RNPC3: variants seen among roughly 807,000 people sequenced by gnomAD.
RNPC3 encodes the protein RNA-binding region-containing protein 3.
Under a neutral mutation model 67.5 loss-of-function variants are expected in RNPC3, and 48 were observed. That is an observed-to-expected ratio of 0.71 (90% confidence interval 0.56 to 0.90). The LOEUF is 0.90. RNPC3 is among the 40% of genes least tolerant of loss of function. The pLI is 0.00. For synonymous variants in RNPC3, 239 were observed against 210.3 expected (o/e 1.14, Z -1.18); for missense variants, 637 against 626.1 (o/e 1.02, Z -0.19).
intron 12 of RNPC3, among the ~76,000 whole-genome samples, chr1:103,547,962 G>C (rs982222402): frequency 1.3e-5 from 2 of 152,176 alleles, no homozygotes; most frequent in East Asian, 1.9e-4. Context: ...CCATGTGGGA[G>C]CTGCCAAGGC....
chr1:103,526,232 T>C lies in RNPC3; in HGVS notation c.162T>C (p.Ser54=). The change falls in exon 1 of 15, where the codon TCT becomes TCC. Residue 54 remains serine (S), a synonymous_variant. Coordinates refer to ENST00000423855, the MANE Select transcript of RNPC3 (RefSeq NM_017619.4). The part of the protein sequence containing the change: ...EDLLKYFGAQ[S]VRVLSDKGRL... ...TGCTGAAGTACTTCGGGGCTCAGTCTGTGCGGGTCCTGTCAGATAAGGGGC... is the reference window on the plus strand; with the variant it reads ...TGCTGAAGTACTTCGGGGCTCAGTCCGTGCGGGTCCTGTCAGATAAGGGGC... 1 of 1,550,994 alleles carries C rather than the reference T, an allele frequency of 6.4e-7. No homozygotes were observed.
chr1:103,526,562 T>G (rs527674471), intron 1 of RNPC3, among the ~76,000 whole-genome samples: 1 of 152,298 alleles, frequency 6.6e-6, no homozygotes, highest in East Asian at 1.9e-4. Flanking sequence ...CTCACAACTT[T>G]TTTGAATTTG....
Position 103,551,718 on chromosome 1 carries a change from TAGC to T in RNPC3, c.1495_1497del (p.Gln499del). On this transcript the variant is annotated splice_acceptor_variant and coding_sequence_variant, in exon 14 of 15. Transcript: ENST00000423855. LOFTEE classifies it high-confidence loss of function. ...GAAGGAAACCTTAATTTTAAATTAT[TAGC>T]AGTTTGCTCGATCTGCTAGACCAAA... The T allele has an allele frequency of 6.6e-7, 1 of 1,512,008 alleles. No homozygotes were observed. Among genetic ancestry groups the T allele is most frequent in the Non-Finnish European group, 8.9e-7 (1 of 1,123,034 alleles). The allele number at this position is 1,512,008 out of a possible 1,614,324, so 93.7% of individuals were successfully genotyped here. A position where few individuals can be genotyped will look rare whatever the true frequency, so the allele number is the denominator to read the frequency against.
intron 12 of RNPC3, among the ~76,000 whole-genome samples, chr1:103,548,042 G>T (rs1651288503): frequency 1.3e-5 from 2 of 152,126 alleles, no homozygotes; most frequent in East Asian, 3.9e-4. Context: ...AGCTGCCGTG[G>T]CTGGGACACA....
chr1:103,544,507 C>T (rs1387422949), intron 9 of RNPC3, among the ~76,000 whole-genome samples: 1 of 151,764 alleles, frequency 6.6e-6, no homozygotes, highest in Non-Finnish European at 1.5e-5. Flanking sequence ...CCTTCTTTTA[C>T]TATTGCAGAA....
At position 103,541,886 on chromosome 1, in the gene RNPC3, A is replaced by C. The variant is rs148137714; in HGVS notation, c.893+411A>C. Among the ~76,000 whole-genome samples the C allele has an allele frequency of 6.6e-5, 10 of 152,112 alleles. No homozygotes were observed. The East Asian group carries it at 1.7e-3, about 26-fold the overall frequency. On this transcript the variant is annotated intron_variant, in intron 8 of 14. Transcript: ENST00000423855. ...AACATCAGTGTGTTTATATACAGTT[A>C]TTTAGTTTCTCTTAACTCCATCACC...
At chr1:103,528,720 G>A (rs1650772934) in intron 2 of RNPC3, among the ~76,000 whole-genome samples, 1 of 152,138 alleles carries the variant, frequency 6.6e-6, no homozygotes, top group African/African-American at 2.4e-5. Flanking sequence ...GTGAAGAATG[G>A]AAAGATTCTT....
At chr1:103,532,179 T>C (rs1457089016) in intron 2 of RNPC3, among the ~76,000 whole-genome samples, 1 of 152,212 alleles carries the variant, frequency 6.6e-6, no homozygotes, top group Non-Finnish European at 1.5e-5. Flanking sequence ...TTCTGTTCCA[T>C]TGGTCTATGT....
In RNPC3 at chr1:103,546,978, A is replaced by G. The variant is rs1257038746; in HGVS notation, c.1304A>G (p.Asp435Gly). Residue 435 changes from aspartate to glycine, a missense_variant and splice_region_variant, in exon 12 of 15, where the codon GAC (aspartate) becomes GGC (glycine). By Grantham distance (94) the Asp-to-Gly change is moderately conservative. This residue lies in a region of RNPC3 where 96 missense variants were observed against 105.8 expected (regional missense o/e 0.91). Coordinates refer to ENST00000423855, the MANE Select transcript of RNPC3 (RefSeq NM_017619.4). The stretch of plus-strand genomic sequence containing the variant: ...GTCTTTTTCTTATTGAAATTCTAGG[A>G]CCTTAAATATATTTTTGGAAGATAT... ...KNLAKHVQEK[D>G]LKYIFGRYVD... 4.1e-6 allele frequency: 6 copies of G among 1,446,114 alleles called. No homozygotes were observed. The highest frequency in any genetic ancestry group is 5.0e-5 in the East Asian group (2 of 39,934). 89.6% of individuals were successfully genotyped at this position (1,446,114 alleles called of 1,614,324 possible).
intron 7 of RNPC3, among the ~76,000 whole-genome samples, chr1:103,540,313 C>T (rs1257104582): frequency 6.6e-6 from 1 of 152,170 alleles, no homozygotes; most frequent in Non-Finnish European, 1.5e-5. Flanking sequence ...ATTTGTGTCT[C>T]ATCCCCAAGA....
intron 2 of RNPC3, among the ~76,000 whole-genome samples, chr1:103,530,736 A>T (rs1219012336): frequency 6.6e-6 from 1 of 152,146 alleles, no homozygotes; most frequent in African/African-American, 2.4e-5. Context: ...AATCCGTTAA[A>T]ATATTGTGGT....
chr1:103,551,730 C>A lies in RNPC3; in HGVS notation c.1504C>A (p.Arg502=), dbSNP rs918108896. The change falls in exon 14 of 15, where the codon CGA becomes AGA. Residue 502 remains arginine, a synonymous_variant. Transcript: ENST00000423855. The part of the protein sequence containing the change: ...FGKPMVVQFA[R]SARPKQDPKE... ...AATTTTAAATTATTAGCAGTTTGCT[C>A]GATCTGCTAGACCAAAACAAGATCC... 1 of 1,527,944 alleles carries A rather than the reference C, an allele frequency of 6.5e-7. No homozygotes were observed. Among genetic ancestry groups the A allele is most frequent in the Non-Finnish European group, 8.8e-7 (1 of 1,132,988 alleles). 94.6% of individuals were successfully genotyped at this position (1,527,944 alleles called of 1,614,324 possible).
At chr1:103,546,782 T>C in intron 11 of RNPC3, 195 bp from the exon 12 acceptor site, 1 of 440,632 alleles carries the variant, frequency 2.3e-6, no homozygotes, top group Non-Finnish European at 4.0e-6. Flanking sequence ...CCACAATTTC[T>C]GCCTTTGTAC....
At chr1:103,530,359 T>C (rs1186051428) in intron 2 of RNPC3, among the ~76,000 whole-genome samples, 1 of 152,142 alleles carries the variant, frequency 6.6e-6, no homozygotes, top group Non-Finnish European at 1.5e-5. Context: ...AGGGTTATAT[T>C]TGAACAACAA....
chr1:103,552,816 C>T (rs1329302025), intron 14 of RNPC3: 1 of 151,766 alleles, frequency 6.6e-6, no homozygotes, highest in African/African-American at 2.4e-5. Flanking sequence ...TAACACATTT[C>T]ACAACAATAT....
At chr1:103,550,167 AATAATAATAATC>A (rs1008381867) in intron 12 of RNPC3, among the ~76,000 whole-genome samples, 3 of 151,940 alleles carry the variant, frequency 2.0e-5, no homozygotes, top group Admixed American at 2.0e-4. Context: ...CTGTCTCAAA[AATAATAATAATC>A]ATAATAATAA....
intron 9 of RNPC3, 26 bp downstream of exon 9, chr1:103,543,473 T>G: frequency 1.4e-6 from 2 of 1,398,104 alleles, no homozygotes. Context: ...TTATTTCACA[T>G]GCTGAAATCA....
In RNPC3 at chr1:103,535,322, T is replaced by G. The variant is rs1254718213; in HGVS notation, c.444-8T>G. ...ACATAAGCATCTTAAATGTTTTTTG[T>G]TTTATAGGCTGACTTTTCCTTTAAA... On this transcript the variant is annotated splice_polypyrimidine_tract_variant and splice_region_variant and intron_variant, in intron 4 of 14. Transcript: ENST00000423855. The G allele has an allele frequency of 6.6e-7, 1 of 1,520,902 alleles. No homozygotes were observed. The allele number at this position is 1,520,902 out of a possible 1,614,324, so 94.2% of individuals were successfully genotyped here.
At chr1:103,551,966 C>A (rs1248640217) in intron 14 of RNPC3, 174 bp downstream of exon 14, 5 of 428,722 alleles carry the variant, frequency 1.2e-5, no homozygotes, top group Non-Finnish European at 1.7e-5. Context: ...AGATTAAAAC[C>A]CATTTATATG....
Sources: allele counts gnomAD v4.1 joint callset (sites outside exome capture counted in the v4.1 genomes callset), GRCh38; gene constraint gnomAD v4.1.1; regional missense constraint gnomAD v4.1.1; transcripts MANE v1.5; gene names NCBI Gene and HGNC (gene_info 2026-07-23, HGNC 2026-07-21).